The following AXL variants were observed in gnomAD, a reference collection of about 807,000 sequenced individuals.
AXL encodes tyrosine-protein kinase receptor UFO.
A neutral mutation model predicts 104.5 loss-of-function variants in AXL; 52 were observed. The observed-to-expected ratio is 0.50, with a 90% confidence interval of 0.40 to 0.63. The LOEUF (loss-of-function observed/expected upper bound fraction) is 0.63. Ranked by LOEUF, AXL falls within the 20% of genes least tolerant of loss-of-function variation. The pLI is 0.00. For synonymous variants in AXL, 455 were observed against 473.7 expected (o/e 0.96, Z 0.51); for missense variants, 1,024 against 1,188.5 (o/e 0.86, Z 2.04).
chr19:41,222,108 A>G (rs949508809), intron 4 of AXL, 52 bp downstream of exon 4: 1 of 1,449,450 alleles, frequency 6.9e-7, no homozygotes, highest in African/African-American at 1.4e-5. Flanking sequence ...GCAGGGCTGA[A>G]GTCAGGAGCA....
In AXL at chr19:41,244,502, CAG is replaced by C. The variant is rs1436794100; in HGVS notation, c.1537+798_1537+799del. On this transcript the variant is annotated intron_variant, in intron 12 of 19. Coordinates refer to ENST00000301178, the MANE Select transcript of AXL (RefSeq NM_021913.5). ...TTTTTTTTTCTTTTTTTTTTTGAGA[CAG>C]AGTCTCGCTCTGTTGCCCAGGCTGG... 8.1e-4 allele frequency among the ~76,000 whole-genome samples: 122 copies of C among 150,236 alleles called. 1 individual carries two copies. Among genetic ancestry groups the C allele is most frequent in the African/African-American group, 2.8e-3 (116 of 40,852 alleles).
chr19:41,221,176 ACAGTAC>A lies in AXL; in HGVS notation c.344_349del (p.Tyr115_Gln116del). 1 of 1,613,974 alleles carries A rather than the reference ACAGTAC, an allele frequency of 6.2e-7. No homozygotes were observed. The highest frequency in any genetic ancestry group is 8.5e-7 in the Non-Finnish European group (1 of 1,179,974). ...CCTCCCTGCAGCTTTCCGACACGGG[ACAGTAC>A]CAGTGTTTGGTGTTTCTGGGACATC... is the stretch of plus-strand genomic sequence containing the variant. On this transcript the variant is annotated inframe_deletion, in exon 3 of 20. Coordinates refer to ENST00000301178, the MANE Select transcript of AXL (RefSeq NM_021913.5).
chr19:41,230,169 GTGTC>G (rs986971473), intron 4 of AXL, among the ~76,000 whole-genome samples: 6 of 151,984 alleles, frequency 3.9e-5, no homozygotes, highest in East Asian at 1.9e-4. Flanking sequence ...GTCTGTGTCT[GTGTC>G]TGTGTGTGAG....
chr19:41,225,520 T>A (rs899844754), intron 4 of AXL, among the ~76,000 whole-genome samples: 1 of 152,214 alleles, frequency 6.6e-6, no homozygotes, highest in Non-Finnish European at 1.5e-5. Context: ...TGTCTCTGAA[T>A]ATACAGGGAC....
chr19:41,222,140 G>A (rs1399830397), intron 4 of AXL, 84 bp downstream of exon 4: 12 of 1,352,388 alleles, frequency 8.9e-6, no homozygotes, highest in Middle Eastern at 2.7e-4. Flanking sequence ...CTACCTCTGC[G>A]TGAGTGTCTG....
intron 4 of AXL, among the ~76,000 whole-genome samples, chr19:41,230,181 G>A (rs2033953532): frequency 2.6e-5 from 4 of 151,680 alleles, no homozygotes; most frequent in Admixed American, 1.3e-4. Flanking sequence ...GTCTGTGTGT[G>A]AGCATATGTG....
rs2033974142 is a variant in AXL, at chr19:41,230,878, G to T, written c.587-89G>T. ...TGTGGGCTGCACTGCCCCTGGTCAG[G>T]CAGGCCATGGTAGGAGTGGCCCGGC... On this transcript the variant is annotated intron_variant, in intron 4 of 19. Coordinates refer to ENST00000301178, the MANE Select transcript of AXL (RefSeq NM_021913.5). 9.4e-6 allele frequency: 13 copies of T among 1,378,708 alleles called. 1 individual carries two copies. In the East Asian group the frequency reaches 3.0e-4, roughly 32 times the overall value. The allele number at this position is 1,378,708 out of a possible 1,614,324, so 85.4% of individuals were successfully genotyped here.
At chr19:41,257,456 G>T in intron 18 of AXL, 37 bp from the exon 19 acceptor site, 1 of 1,613,844 alleles carries the variant, frequency 6.2e-7, no homozygotes, top group Non-Finnish European at 8.5e-7. Context: ...GTGATTCTGT[G>T]CAGGAGAGAC....
rs117588892 is a variant in AXL at position 41,242,913 on chromosome 19, G to T, written c.1343G>T (p.Trp448Leu). 739 of 1,614,178 alleles carry T rather than the reference G, an allele frequency of 4.6e-4. 16 individuals are homozygous for T. The East Asian group carries it at 0.016, about 34-fold the overall frequency. ...VKEPSTPAFS[W>L]PWWYVLLGAV... ...GAACCTTCAACTCCTGCCTTCTCGT[G>T]GCCCTGGTGGTATGTACTGCTAGGA... Residue 448 changes from tryptophan (W) to leucine (L), a missense_variant, in exon 11 of 20, where the codon TGG (tryptophan) becomes TTG (leucine). Coordinates refer to ENST00000301178, the MANE Select transcript of AXL (RefSeq NM_021913.5).
At chr19:41,244,196 C>A (rs2034233368) in intron 12 of AXL, among the ~76,000 whole-genome samples, 1 of 151,598 alleles carries the variant, frequency 6.6e-6, no homozygotes, top group African/African-American at 2.4e-5. Context: ...CAGAGCAAGA[C>A]CCTGTCTCAA....
At chr19:41,221,541 T>C (rs541186407) in intron 3 of AXL, 16 of 488,212 alleles carry the variant, frequency 3.3e-5, no homozygotes, top group Non-Finnish European at 5.8e-5. Context: ...ATTCTGGTCT[T>C]CAGATAAGGC....
In AXL at chr19:41,219,303, G is replaced by C. The variant is rs1401606461; in HGVS notation, c.-90G>C. The C allele has an allele frequency of 1.5e-6, 2 of 1,300,432 alleles. No individual in the cohort carries two copies. Among genetic ancestry groups the C allele is most frequent in the African/African-American group, 1.5e-5 (1 of 66,504 alleles). 80.6% of individuals were successfully genotyped at this position (1,300,432 alleles called of 1,614,324 possible). On this transcript the variant is annotated 5_prime_UTR_variant, in exon 1 of 20. Coordinates refer to ENST00000301178, the MANE Select transcript of AXL (RefSeq NM_021913.5). Reference sequence around the variant, plus strand: ...AGGCAGGCAGTGCCAAATCCGGGGAGCCTGGAGCTGGGGGGAGGGCCGGGG... The same window carrying C: ...AGGCAGGCAGTGCCAAATCCGGGGACCCTGGAGCTGGGGGGAGGGCCGGGG...
Position 41,259,796 on chromosome 19 carries a change from G to A in AXL, c.2577G>A (p.Glu859=), listed in dbSNP as rs1314633015. ...CCTGTAGCTGCCTCACTGCGGCTGA[G>A]GTCCATCCTGCTGGACGCTATGTCC... ...KDSCSCLTAA[E]VHPAGRYVLC... is the part of the protein sequence containing the mutation. The change falls in exon 20 of 20, where the codon GAG becomes GAA. Residue 859 remains glutamate (E), a synonymous_variant. Coordinates refer to ENST00000301178, the MANE Select transcript of AXL (RefSeq NM_021913.5). 2 of 1,614,044 alleles carry A rather than the reference G, an allele frequency of 1.2e-6. No homozygotes were observed. The highest frequency in any genetic ancestry group is 1.7e-6 in the Non-Finnish European group (2 of 1,180,008).
rs1258002905 is a variant in AXL, at chr19:41,239,211, G to C, written c.1182G>C (p.Gln394His). 6.2e-7 allele frequency: 1 copy of C among 1,613,132 alleles called. No homozygotes were observed. Among genetic ancestry groups the C allele is most frequent in the East Asian group, 2.2e-5 (1 of 44,876 alleles). Residue 394 changes from glutamine to histidine, a missense_variant, in exon 9 of 20, where the codon CAG becomes CAC. Coordinates refer to ENST00000301178, the MANE Select transcript of AXL (RefSeq NM_021913.5). ...GGCAAGAGGTGACCCTGGAGCTGCA[G>C]GGGGACGGGTCTGTGTCCAATCTGA... Reference protein sequence around the residue: ...GLRQEVTLELQGDGSVSNLTV... With the variant: ...GLRQEVTLELHGDGSVSNLTV...
intron 6 of AXL, among the ~76,000 whole-genome samples, chr19:41,237,341 C>A (rs1016182817): frequency 1.3e-5 from 2 of 152,174 alleles, no homozygotes. Context: ...CTCCCAGGTT[C>A]AAGTGGTTCT....
chr19:41,235,235 T>C (rs1375385818), intron 6 of AXL, among the ~76,000 whole-genome samples: 2 of 151,884 alleles, frequency 1.3e-5, no homozygotes, highest in Non-Finnish European at 2.9e-5. Context: ...CCTGTAATCC[T>C]AGCTACTCAG....
chr19:41,241,360 T>C (rs1381453766), intron 10 of AXL, among the ~76,000 whole-genome samples: 2 of 151,826 alleles, frequency 1.3e-5, no homozygotes, highest in Non-Finnish European at 2.9e-5. Flanking sequence ...CTGGCCAACA[T>C]TGGCGAAAAC....
chr19:41,228,956 C>CT (rs36016970), intron 4 of AXL, among the ~76,000 whole-genome samples: 57,398 of 148,570 alleles, frequency 0.39, 11,701 homozygotes, highest in African/African-American at 0.53. Context: ...TCTTTTCTTT[C>CT]TTTTTTTTTT....
intron 4 of AXL, among the ~76,000 whole-genome samples, chr19:41,225,256 C>T (rs1196461059): frequency 1.3e-5 from 2 of 152,230 alleles, no homozygotes; most frequent in African/African-American, 2.4e-5. Flanking sequence ...CCACCGGCCT[C>T]GGCCTCCCAA....
Sources: allele counts gnomAD v4.1 joint callset (sites outside exome capture counted in the v4.1 genomes callset), GRCh38; gene constraint gnomAD v4.1.1; transcripts MANE v1.5; gene names NCBI Gene and HGNC (gene_info 2026-07-23, HGNC 2026-07-21).